The following ATXN7L1 variants were observed in gnomAD, a reference collection of about 807,000 sequenced individuals.
ATXN7L1 encodes ataxin-7-like protein 1.
Under a neutral mutation model 70.8 loss-of-function variants are expected in ATXN7L1, and 15 were observed. That is an observed-to-expected ratio of 0.21 (90% CI 0.14 to 0.33). ATXN7L1 has a LOEUF of 0.33. Ranked by LOEUF, ATXN7L1 falls within the 10% of genes least tolerant of loss-of-function variation. ATXN7L1 has a pLI of 1.00. For synonymous variants in ATXN7L1, 440 were observed against 445.1 expected (o/e 0.99, Z 0.14); for missense variants, 975 against 1,097.1 (o/e 0.89, Z 1.57).
At chr7:105,636,948 C>T (rs2115889419) in intron 7 of ATXN7L1, among the ~76,000 whole-genome samples, 3 of 152,280 alleles carry the variant, frequency 2.0e-5, no homozygotes, top group African/African-American at 7.2e-5. Context: ...ACAATTGAAG[C>T]CCCTTCCAGA....
intron 2 of ATXN7L1, among the ~76,000 whole-genome samples, chr7:105,824,567 T>C (rs1284389920): frequency 1.3e-5 from 2 of 151,970 alleles, no homozygotes. Context: ...ACTAGAAGGC[T>C]TACAAGAGCC....
intron 3 of ATXN7L1, among the ~76,000 whole-genome samples, chr7:105,740,700 G>T (rs972442800): frequency 6.6e-6 from 1 of 151,730 alleles, no homozygotes; most frequent in Non-Finnish European, 1.5e-5. Flanking sequence ...CACCTTAGCA[G>T]CTTGTTGTGA....
chr7:105,800,701 T>C (rs1229788445), intron 2 of ATXN7L1, among the ~76,000 whole-genome samples: 1 of 152,214 alleles, frequency 6.6e-6, no homozygotes, highest in Non-Finnish European at 1.5e-5. Context: ...AAATTCCTGT[T>C]CTGCCTCCAG....
At chr7:105,787,714 T>G (rs1234852821) in intron 3 of ATXN7L1, among the ~76,000 whole-genome samples, 1 of 152,214 alleles carries the variant, frequency 6.6e-6, no homozygotes. Context: ...TTCAATATTA[T>G]AATTGCTTTG....
rs779946678 is a variant in ATXN7L1 at position 105,835,148 on chromosome 7, G to GTTT, written c.250+40663_250+40664insAAA. 3.1e-3 allele frequency among the ~76,000 whole-genome samples: 263 copies of GTTT among 84,946 alleles called. 5 individuals are homozygous for GTTT. Among genetic ancestry groups the GTTT allele is most frequent in the East Asian group, 8.8e-3 (27 of 3,056 alleles). The allele number at this position is 84,946 out of a possible 152,430, so 55.7% of individuals were successfully genotyped here. On this transcript the variant is annotated intron_variant, in intron 2 of 11. Transcript: ENST00000419735. ...TTTTTTTAATAATTTATAAGTGTGT[G>GTTT]GTTTTTTTTTTTTTTTTTTTTTTTG... is the stretch of plus-strand genomic sequence containing the variant.
At chr7:105,704,247 G>T (rs1301574627) in intron 3 of ATXN7L1, among the ~76,000 whole-genome samples, 2 of 152,160 alleles carry the variant, frequency 1.3e-5, no homozygotes, top group African/African-American at 2.4e-5. Context: ...GGTCTGTCTT[G>T]TTCACTACTA....
intron 2 of ATXN7L1, among the ~76,000 whole-genome samples, chr7:105,815,866 A>AGAT (rs1809111704): frequency 6.6e-6 from 1 of 152,226 alleles, no homozygotes. Context: ...GATGCTTGTG[A>AGAT]GCGTTTGGCA....
intron 3 of ATXN7L1, among the ~76,000 whole-genome samples, chr7:105,715,831 C>T (rs1339934439): frequency 6.6e-6 from 1 of 152,234 alleles, no homozygotes; most frequent in Non-Finnish European, 1.5e-5. Flanking sequence ...CCAAATTCTG[C>T]AGTGACATTT....
At chr7:105,724,852 G>C (rs1795625559) in intron 3 of ATXN7L1, among the ~76,000 whole-genome samples, 1 of 144,464 alleles carries the variant, frequency 6.9e-6, no homozygotes, top group South Asian at 2.3e-4. Context: ...TTGGACACAA[G>C]ATCTTGCTCT....
rs1426063303 is a variant in ATXN7L1, at chr7:105,614,352, G to C, written c.1982C>G (p.Ser661Cys). ...TSSSSSSSSS[S>C]LQTSLSSPLS... The stretch of plus-strand genomic sequence containing the variant: ...TGGAGACGAGAGGGATGTCTGCAAG[G>C]AAGAGGAGGAGGAGGAGGAGGAGGA... The change falls in exon 10 of 12, where the codon TCC becomes TGC. Residue 661 changes from serine to cysteine, a missense_variant. By Grantham distance (112) the Ser-to-Cys change is moderately radical (BLOSUM62 -1). Transcript: ENST00000419735. This position sits in a 1 kb window ranked among gnomAD's most constrained non-coding sequence, Gnocchi z 4.3. 6.4e-7 allele frequency: 1 copy of C among 1,552,434 alleles called. No individual in the cohort carries two copies. Among genetic ancestry groups the C allele is most frequent in the Non-Finnish European group, 8.7e-7 (1 of 1,147,166 alleles).
intron 2 of ATXN7L1, among the ~76,000 whole-genome samples, chr7:105,860,370 GT>G (rs1816443795): frequency 6.6e-6 from 1 of 151,976 alleles, no homozygotes; most frequent in South Asian, 2.1e-4. Flanking sequence ...CACCCCAGCG[GT>G]AGCATTTTTT....
intron 7 of ATXN7L1, among the ~76,000 whole-genome samples, chr7:105,626,174 T>C (rs1479132042): frequency 6.6e-6 from 1 of 152,244 alleles, no homozygotes; most frequent in Non-Finnish European, 1.5e-5. Context: ...AAATATGGTA[T>C]ATCCATTCAG....
intron 2 of ATXN7L1, 62 bp downstream of exon 2, chr7:105,875,750 T>A (rs1478506127): frequency 2.7e-6 from 4 of 1,501,528 alleles, no homozygotes; most frequent in Non-Finnish European, 3.7e-6. Flanking sequence ...CACATTATAT[T>A]CGAAATCCTG....
intron 11 of ATXN7L1, 92 bp downstream of exon 11, chr7:105,610,437 T>C: frequency 8.5e-7 from 1 of 1,179,982 alleles, no homozygotes; most frequent in Non-Finnish European, 1.2e-6. Context: ...GAGATGAGGT[T>C]TGAATCAGGG....
At chr7:105,679,119 G>A (rs904857935) in intron 3 of ATXN7L1, 2 of 985,972 alleles carry the variant, frequency 2.0e-6, no homozygotes, top group South Asian at 4.7e-5. Flanking sequence ...CGCGACTCGT[G>A]GTAGTAGATG....
chr7:105,824,761 G>C (rs952373465), intron 2 of ATXN7L1, among the ~76,000 whole-genome samples: 1 of 151,730 alleles, frequency 6.6e-6, no homozygotes. Context: ...TGAAGAATAT[G>C]CATTTCCAAA....
chr7:105,788,431 G>A (rs1455808255), intron 3 of ATXN7L1, 173 bp downstream of exon 3: 1 of 594,176 alleles, frequency 1.7e-6, no homozygotes, highest in Non-Finnish European at 3.0e-6. Flanking sequence ...TTCAGCAGAA[G>A]GACTACAGCT....
intron 3 of ATXN7L1, among the ~76,000 whole-genome samples, chr7:105,733,870 CCA>C (rs1797055580): frequency 6.9e-6 from 1 of 144,480 alleles, no homozygotes. Context: ...ATCCATCCAT[CCA>C]TCCATCCATC....
intron 3 of ATXN7L1, among the ~76,000 whole-genome samples, chr7:105,681,775 A>G (rs1419715863): frequency 6.6e-6 from 1 of 152,226 alleles, no homozygotes; most frequent in Non-Finnish European, 1.5e-5. Context: ...GAAATAATCC[A>G]GTCACAAACA....
Sources: allele counts gnomAD v4.1 joint callset (sites outside exome capture counted in the v4.1 genomes callset), GRCh38; gene constraint gnomAD v4.1.1; non-coding constraint Gnocchi (gnomAD v3.1); transcripts MANE v1.5; gene names NCBI Gene and HGNC (gene_info 2026-07-23, HGNC 2026-07-21).